The following IGF2R variants were observed in gnomAD, a reference collection of about 807,000 sequenced individuals.
IGF2R encodes insulin like growth factor 2 receptor, also known as cation-independent mannose-6-phosphate receptor.
IGF2R carries 91 observed loss-of-function variants against 270.6 expected under a neutral mutation model. The observed-to-expected ratio is 0.34, with a 90% CI of 0.28 to 0.40. IGF2R has a LOEUF of 0.40. IGF2R is among the 10% of genes least tolerant of loss of function. The pLI, the probability that IGF2R is intolerant of heterozygous loss-of-function variation, is 1.00. For synonymous variants in IGF2R, 1,316 were observed against 1,258.9 expected, an observed-to-expected ratio of 1.05 and a Z score of -0.96; for missense variants, 2,805 against 3,188.3, an observed-to-expected ratio of 0.88 and a Z score of 2.90.
At chr6:160,051,334 G>A (rs1396382228) in intron 19 of IGF2R, among the ~76,000 whole-genome samples, 1 of 152,338 alleles carries the variant, frequency 6.6e-6, no homozygotes, top group Admixed American at 6.5e-5. Flanking sequence ...CTGTCCAGGT[G>A]TGATTGCTGT....
intron 41 of IGF2R, 38 bp downstream of exon 41, chr6:160,085,169 A>C (rs765138043): frequency 1.2e-6 from 2 of 1,603,930 alleles, no homozygotes; most frequent in African/African-American, 2.7e-5. Flanking sequence ...TTCAAGGAGC[A>C]GCATCTGAAC....
chr6:160,064,246 A>C (rs905952001), intron 27 of IGF2R, among the ~76,000 whole-genome samples, 155 bp from the exon 28 acceptor site: 1 of 152,152 alleles, frequency 6.6e-6, no homozygotes, highest in Non-Finnish European at 1.5e-5. Flanking sequence ...TTTATTCCCA[A>C]AGTGTAATGT....
intron 1 of IGF2R, among the ~76,000 whole-genome samples, chr6:159,982,188 A>G (rs1783816358): frequency 1.3e-5 from 2 of 152,102 alleles, no homozygotes; most frequent in African/African-American, 2.4e-5. Flanking sequence ...TCTGCTCCCA[A>G]GGTCCAGTGT....
intron 44 of IGF2R, among the ~76,000 whole-genome samples, chr6:160,090,893 T>C (rs1274357182): frequency 6.8e-6 from 1 of 148,072 alleles, no homozygotes; most frequent in Non-Finnish European, 1.5e-5. Flanking sequence ...CGTGCCCTGG[T>C]GCTGAGCTCA....
intron 47 of IGF2R, 81 bp downstream of exon 47, chr6:160,103,896 G>T (rs1487209315): frequency 4.1e-6 from 4 of 969,924 alleles, no homozygotes; most frequent in African/African-American, 1.6e-5. Context: ...CTCATCAGGG[G>T]TGCCAAGGAA....
intron 44 of IGF2R, chr6:160,094,014 A>C (rs1404308515): frequency 3.2e-6 from 2 of 632,324 alleles, no homozygotes; most frequent in Non-Finnish European, 6.1e-6. Context: ...ACAGCAAACT[A>C]TTCCTTGCAG....
chr6:160,077,327 G>A (rs373857958), intron 36 of IGF2R, among the ~76,000 whole-genome samples: 13 of 152,232 alleles, frequency 8.5e-5, no homozygotes, highest in African/African-American at 2.2e-4. Flanking sequence ...TTTGCCTTGC[G>A]GGGGGCTTCT....
intron 1 of IGF2R, among the ~76,000 whole-genome samples, chr6:159,987,594 A>G (rs1263565302): frequency 6.6e-6 from 1 of 152,122 alleles, no homozygotes; most frequent in East Asian, 1.9e-4. Context: ...GTTTCACCAT[A>G]CTGGTCAGGC....
At chr6:160,063,695 C>A in intron 27 of IGF2R, 65 bp downstream of exon 27, 1 of 1,249,058 alleles carries the variant, frequency 8.0e-7, no homozygotes, top group Non-Finnish European at 1.1e-6. Context: ...AAATATTTTG[C>A]TGAAGATGAA....
chr6:159,977,851 C>T (rs1290249323), intron 1 of IGF2R, among the ~76,000 whole-genome samples: 2 of 150,394 alleles, frequency 1.3e-5, no homozygotes, highest in African/African-American at 2.5e-5. Context: ...GTAGGCTAGG[C>T]GTGGGATGCT....
intron 45 of IGF2R, among the ~76,000 whole-genome samples, chr6:160,098,340 T>A (rs1464977308): frequency 3.9e-5 from 6 of 152,074 alleles, no homozygotes; most frequent in African/African-American, 1.5e-4. Context: ...GATTGGGAGC[T>A]GTTTAAATCC....
At position 160,102,224 on chromosome 6, in the gene IGF2R, G is replaced by A. The variant is rs529227433; in HGVS notation, c.6843-295G>A. Among the ~76,000 whole-genome samples the A allele has an allele frequency of 1.3e-5, 2 of 152,326 alleles. No homozygotes were observed. Among genetic ancestry groups the A allele is most frequent in the East Asian group, 3.9e-4 (2 of 5,178 alleles). ...TGGATTGGGCCACCTAGAGGGGGCC[G>A]CGTCCCTCCTGCCTGTCTCCTCTGT... On this transcript the variant is annotated intron_variant, in intron 45 of 47. Coordinates refer to ENST00000356956, the MANE Select transcript of IGF2R (RefSeq NM_000876.4). This position sits in a 1 kb window ranked among gnomAD's most constrained non-coding sequence, Gnocchi z 4.5.
At chr6:160,057,182 T>C (rs931272474) in intron 20 of IGF2R, among the ~76,000 whole-genome samples, 1 of 152,204 alleles carries the variant, frequency 6.6e-6, no homozygotes, top group Non-Finnish European at 1.5e-5. Context: ...CAGGTGTTAA[T>C]GTGCCACTTG....
At chr6:160,055,927 G>A (rs1352077643) in intron 19 of IGF2R, among the ~76,000 whole-genome samples, 2 of 152,126 alleles carry the variant, frequency 1.3e-5, no homozygotes, top group East Asian at 3.9e-4. Context: ...ACACAGCTGG[G>A]TGAGTGTCCA....
intron 23 of IGF2R, among the ~76,000 whole-genome samples, 187 bp from the exon 24 acceptor site, chr6:160,061,316 G>A (rs556861617): frequency 6.6e-5 from 10 of 152,334 alleles, no homozygotes; most frequent in Admixed American, 6.5e-4. Context: ...GCTGTGAAGG[G>A]CAGTTTTGAG....
chr6:160,082,574 T>G lies in IGF2R; in HGVS notation c.5834-1376T>G, dbSNP rs1434634597. On this transcript the variant is annotated intron_variant, in intron 39 of 47. Transcript: ENST00000356956. ...ATCCGCCCACCTCGGCCTCCCAGAGTGCTGGGATTACAGGCGTGAGCCACC... is the reference window on the plus strand; with the variant it reads ...ATCCGCCCACCTCGGCCTCCCAGAGGGCTGGGATTACAGGCGTGAGCCACC... Among the ~76,000 whole-genome samples the G allele has an allele frequency of 4.6e-5, 7 of 152,286 alleles. No individual in the cohort carries two copies. In the East Asian group the frequency reaches 1.3e-3, roughly 29 times the overall value.
Position 160,105,905 on chromosome 6 carries a change from T to TTGTG in IGF2R, c.*852_*855dup, listed in dbSNP as rs68155905. Reference sequence around the variant, plus strand: ...CCTGCCCAAAGATTGATTTGTGTGTTTGTGTGTGTGTGTGTGTGTGTGTGT... The same window carrying TTGTG: ...CCTGCCCAAAGATTGATTTGTGTGTTTGTGTGTGTGTGTGTGTGTGTGTGTGTGT... On this transcript the variant is annotated 3_prime_UTR_variant, in exon 48 of 48. Transcript: ENST00000356956. 4,083 of 145,958 alleles carry TTGTG rather than the reference T, an allele frequency of 0.028. 53 individuals are homozygous for TTGTG. Among genetic ancestry groups the TTGTG allele is most frequent in the South Asian group, 0.058 (265 of 4,598 alleles). 9.0% of individuals were successfully genotyped at this position (145,958 alleles called of 1,614,324 possible). A position where few individuals can be genotyped will look rare whatever the true frequency, so the allele number is the denominator to read the frequency against.
intron 7 of IGF2R, among the ~76,000 whole-genome samples, chr6:160,030,597 A>G (rs557822786): frequency 6.6e-6 from 1 of 152,272 alleles, no homozygotes; most frequent in African/African-American, 2.4e-5. Flanking sequence ...ATTTGTACCT[A>G]CAGATGTGAG....
chr6:160,107,106 T>A lies in IGF2R; in HGVS notation c.*2022T>A, dbSNP rs1251740786. 6.6e-6 allele frequency: 1 copy of A among 152,234 alleles called. No homozygotes were observed. Among genetic ancestry groups the A allele is most frequent in the Non-Finnish European group, 1.5e-5 (1 of 68,024 alleles). The allele number at this position is 152,234 out of a possible 1,614,324, so 9.4% of individuals were successfully genotyped here. On this transcript the variant is annotated 3_prime_UTR_variant, in exon 48 of 48. Coordinates refer to ENST00000356956, the MANE Select transcript of IGF2R (RefSeq NM_000876.4). Reference sequence around the variant, plus strand: ...AATTATCCAATTGGAGTTACCTTTTTAAAAAAGTTATTCTTAAGGACTTTC... The same window carrying A: ...AATTATCCAATTGGAGTTACCTTTTAAAAAAAGTTATTCTTAAGGACTTTC...
Sources: gnomAD v4.1 joint callset for allele counts (sites outside exome capture counted in the v4.1 genomes callset) on GRCh38, gnomAD v4.1.1 for gene constraint, Gnocchi (gnomAD v3.1) non-coding constraint, MANE v1.5 for transcripts, NCBI Gene and HGNC (gene_info 2026-07-23, HGNC 2026-07-21) for gene names.